Variants in RNPEPL1 observed in about 807,000 individuals in gnomAD.
RNPEPL1 encodes the protein arginyl aminopeptidase like 1, also known as aminopeptidase RNPEPL1.
A neutral mutation model predicts 69.0 loss-of-function variants in RNPEPL1; 46 were observed. The observed-to-expected ratio is 0.67, with a 90% CI of 0.53 to 0.85. The LOEUF (loss-of-function observed/expected upper bound fraction) is 0.85. Ranked by LOEUF, RNPEPL1 falls within the 40% of genes least tolerant of loss-of-function variation. RNPEPL1 has a pLI of 0.00. For synonymous variants in RNPEPL1, 525 were observed against 454.1 expected (o/e 1.16, Z -1.98); for missense variants, 869 against 992.5 (o/e 0.88, Z 1.67).
chr2:240,572,979 G>A, intron 2 of RNPEPL1, 131 bp from the exon 3 acceptor site: 1 of 1,123,392 alleles, frequency 8.9e-7, no homozygotes, highest in Non-Finnish European at 1.2e-6. Context: ...GAAGTTCTCT[G>A]ACAGAAACGT....
In RNPEPL1 at chr2:240,568,742, C is replaced by T. The variant is rs2093011702; in HGVS notation, c.156C>T (p.Pro52=). 9.4e-7 allele frequency: 1 copy of T among 1,061,596 alleles called. No individual in the cohort carries two copies. Among genetic ancestry groups the T allele is most frequent in the Non-Finnish European group, 1.1e-6 (1 of 877,948 alleles). 65.8% of individuals were successfully genotyped at this position (1,061,596 alleles called of 1,614,324 possible). ...TGCAGCTGGGCCTGGAGCTGCGGCCCGAGGCGCGCGAGTTGGCCGGCTGCC... is the reference window on the plus strand; with the variant it reads ...TGCAGCTGGGCCTGGAGCTGCGGCCTGAGGCGCGCGAGTTGGCCGGCTGCC... The part of the protein sequence containing the change: ...RHLQLGLELR[P]EARELAGCLV... The change falls in exon 1 of 11, where the codon CCC becomes CCT. Residue 52 remains proline, a synonymous_variant. Coordinates refer to ENST00000270357, the MANE Select transcript of RNPEPL1 (RefSeq NM_018226.6). The surrounding 1 kb of genome is among the most constrained non-coding windows in gnomAD (Gnocchi z 6.2).
intron 1 of RNPEPL1, among the ~76,000 whole-genome samples, chr2:240,571,543 G>T (rs1444129567): frequency 6.6e-6 from 1 of 152,036 alleles, no homozygotes; most frequent in Non-Finnish European, 1.5e-5. Context: ...TCACTGGAGA[G>T]GTCAGAATTC....
chr2:240,569,300 C>G, intron 1 of RNPEPL1, 186 bp downstream of exon 1: 1 of 606,940 alleles, frequency 1.6e-6, no homozygotes, highest in Non-Finnish European at 2.6e-6. Flanking sequence ...CGGAGTCCTG[C>G]GGGGACACGG....
In RNPEPL1 at chr2:240,573,256, G is replaced by A. The variant is rs569660095; in HGVS notation, c.816G>A (p.Gly272=). Reference sequence around the variant, plus strand: ...GAGACCTCAAGCCGGCAGACATCGGGCCCAGGTAGGGCCTCCTGCTGGGGC... The same window carrying A: ...GAGACCTCAAGCCGGCAGACATCGGACCCAGGTAGGGCCTCCTGCTGGGGC... ...VAGDLKPADI[G]PRSRVWAEPC... is the part of the protein sequence containing the mutation. The change falls in exon 3 of 11, where the codon GGG becomes GGA. Residue 272 remains glycine, a synonymous_variant. Transcript: ENST00000270357. 2.1e-5 allele frequency: 33 copies of A among 1,560,952 alleles called. No homozygotes were observed. Among genetic ancestry groups the A allele is most frequent in the African/African-American group, 1.2e-4 (9 of 73,836 alleles).
chr2:240,571,851 C>T lies in RNPEPL1; in HGVS notation c.529-572C>T, dbSNP rs3762626. ...GGGTCCTCTGGCCTGGCCTCCACTCCCTGCTTGCTGTCCCCTGGCTTGGAG... is the reference window on the plus strand; with the variant it reads ...GGGTCCTCTGGCCTGGCCTCCACTCTCTGCTTGCTGTCCCCTGGCTTGGAG... On this transcript the variant is annotated intron_variant, in intron 1 of 10. Transcript: ENST00000270357. 5.3e-5 allele frequency among the ~76,000 whole-genome samples: 8 copies of T among 152,184 alleles called. No individual in the cohort carries two copies. The East Asian group carries it at 1.6e-3, about 30-fold the overall frequency.
Position 240,578,284 on chromosome 2 carries a change from T to G in RNPEPL1, c.*392T>G. 5.8e-6 allele frequency: 1 copy of G among 171,650 alleles called. No homozygotes were observed. 10.6% of individuals were successfully genotyped at this position (171,650 alleles called of 1,614,324 possible). A position where few individuals can be genotyped will look rare whatever the true frequency, so the allele number is the denominator to read the frequency against. ...TGTCTGCCGGGGGCCCAGGCTGTGC[T>G]GTCCCTGCAGCACGCCTCCTTGCAG... is the stretch of plus-strand genomic sequence containing the variant. On this transcript the variant is annotated 3_prime_UTR_variant, in exon 11 of 11. Coordinates refer to ENST00000270357, the MANE Select transcript of RNPEPL1 (RefSeq NM_018226.6).
rs1031214603 is a variant in RNPEPL1 at position 240,575,587 on chromosome 2, A to C, written c.1487A>C (p.Glu496Ala). ...SFLSFFPELK[E>A]QSVDCRAGLE... ...CTGAGCTTCTTCCCGGAGCTGAAGG[A>C]GCAGAGCGTGGACTGCCGGGCAGGT... Residue 496 changes from glutamate to alanine, a missense_variant, in exon 8 of 11, where the codon GAG becomes GCG. This residue lies in a region of RNPEPL1 where 610 missense variants were observed against 790.9 expected (regional missense o/e 0.77). Transcript: ENST00000270357. 27 of 1,613,162 alleles carry C rather than the reference A, an allele frequency of 1.7e-5. No homozygotes were observed. Among genetic ancestry groups the C allele is most frequent in the Non-Finnish European group, 2.3e-5 (27 of 1,179,972 alleles).
intron 1 of RNPEPL1, among the ~76,000 whole-genome samples, chr2:240,571,437 G>A (rs2093021163): frequency 1.3e-5 from 2 of 152,348 alleles, no homozygotes; most frequent in East Asian, 1.9e-4. Context: ...CATTCCGGCA[G>A]AGGGGAGGGT....
Position 240,573,212 on chromosome 2 carries a change from C to T in RNPEPL1, c.772C>T (p.Leu258Phe), listed in dbSNP as rs759294739. Residue 258 changes from leucine (L) to phenylalanine (F), a missense_variant, in exon 3 of 11, where the codon CTC (leucine) becomes TTC (phenylalanine). Physicochemically the swap from Leu to Phe is conservative, Grantham distance 22. Around this residue, in one of 2 missense-constraint regions of RNPEPL1, gnomAD observed 610 missense variants for 790.9 expected, o/e 0.77. Transcript: ENST00000270357. ...CATGGAGCACCCCGTGCCCGCCTAC[C>T]TCGTGGCCCTGGTGGCCGGAGACCT... ...FHMEHPVPAYLVALVAGDLKP... is the reference protein window; with the variant it reads ...FHMEHPVPAYFVALVAGDLKP... The T allele has an allele frequency of 1.3e-6, 2 of 1,582,514 alleles. No individual in the cohort carries two copies. The highest frequency in any genetic ancestry group is 2.3e-5 in the East Asian group (1 of 43,476).
intron 2 of RNPEPL1, 74 bp downstream of exon 2, chr2:240,572,637 C>T: frequency 6.6e-7 from 1 of 1,505,850 alleles, no homozygotes; most frequent in South Asian, 1.2e-5. Context: ...CTCCCCCTTG[C>T]TCCTACCTGC....
chr2:240,579,905 C>T lies in RNPEPL1; in HGVS notation c.*2013C>T, dbSNP rs747704475. ...ACTCTGTGGTCTGCGGGTGACTCCACTCCACGTGCCTACAGCCACGCCCAC... is the reference window on the plus strand; with the variant it reads ...ACTCTGTGGTCTGCGGGTGACTCCATTCCACGTGCCTACAGCCACGCCCAC... On this transcript the variant is annotated 3_prime_UTR_variant, in exon 11 of 11. Transcript: ENST00000270357. 2 of 152,250 alleles carry T rather than the reference C, an allele frequency of 1.3e-5. No homozygotes were observed. The highest frequency in any genetic ancestry group is 4.8e-5 in the African/African-American group (2 of 41,458). 9.4% of individuals were successfully genotyped at this position (152,250 alleles called of 1,614,324 possible). A position where few individuals can be genotyped will look rare whatever the true frequency, so the allele number is the denominator to read the frequency against.
rs1440336756 is a variant in RNPEPL1 at position 240,568,758 on chromosome 2, G to A, written c.172G>A (p.Ala58Thr). 3 of 1,067,618 alleles carry A rather than the reference G, an allele frequency of 2.8e-6. No individual in the cohort carries two copies. The highest frequency in any genetic ancestry group is 2.3e-6 in the Non-Finnish European group (2 of 882,334). 66.1% of individuals were successfully genotyped at this position (1,067,618 alleles called of 1,614,324 possible). A position where few individuals can be genotyped will look rare whatever the true frequency, so the allele number is the denominator to read the frequency against. Residue 58 changes from alanine to threonine, a missense_variant, in exon 1 of 11, where the codon GCC becomes ACC. Around this residue, in one of 2 missense-constraint regions of RNPEPL1, gnomAD observed 259 missense variants for 201.5 expected, o/e 1.29. Coordinates refer to ENST00000270357, the MANE Select transcript of RNPEPL1 (RefSeq NM_018226.6). The surrounding 1 kb of genome is among the most constrained non-coding windows in gnomAD (Gnocchi z 6.2). The stretch of plus-strand genomic sequence containing the variant: ...GCTGCGGCCCGAGGCGCGCGAGTTG[G>A]CCGGCTGCCTGGTGCTCGAGCTGTG... ...LELRPEARELAGCLVLELCAL... is the reference protein window; with the variant it reads ...LELRPEARELTGCLVLELCAL...
Position 240,573,970 on chromosome 2 carries a change from G to A in RNPEPL1, c.938+79G>A, listed in dbSNP as rs185118292. 131 of 1,413,506 alleles carry A rather than the reference G, an allele frequency of 9.3e-5. No individual in the cohort carries two copies. In the African/African-American group the frequency reaches 1.7e-3, roughly 18 times the overall value. The allele number at this position is 1,413,506 out of a possible 1,614,324, so 87.6% of individuals were successfully genotyped here. On this transcript the variant is annotated intron_variant, in intron 4 of 10. Coordinates refer to ENST00000270357, the MANE Select transcript of RNPEPL1 (RefSeq NM_018226.6). Reference sequence around the variant, plus strand: ...GAGCCCCTCGTCTGACCCCTGGGGTGTCCTGTCCCCATCTCCTGGGGAGGA... The same window carrying A: ...GAGCCCCTCGTCTGACCCCTGGGGTATCCTGTCCCCATCTCCTGGGGAGGA...
At chr2:240,573,401 C>A in intron 3 of RNPEPL1, 140 bp downstream of exon 3, 1 of 1,123,032 alleles carries the variant, frequency 8.9e-7, no homozygotes, top group Non-Finnish European at 1.2e-6. Context: ...CCTGCCCCTG[C>A]CTTGGTGCCA....
intron 6 of RNPEPL1, 147 bp from the exon 7 acceptor site, chr2:240,574,879 TGCAC>T: frequency 1.4e-6 from 1 of 715,234 alleles, no homozygotes; most frequent in South Asian, 1.6e-5. Flanking sequence ...GCCCTGCCGC[TGCAC>T]GCCCAGGGCA....
In RNPEPL1 at chr2:240,569,036, C is replaced by T. The variant is rs1461551581; in HGVS notation, c.450C>T (p.Thr150=). The change falls in exon 1 of 11, where the codon ACC becomes ACT. Residue 150 remains threonine, a synonymous_variant. Transcript: ENST00000270357. ...TCACCGACTACGGCTCCTCGCTCACCGTCACGCTGCCGCCCGAGCTGCAGG... is the reference window on the plus strand; with the variant it reads ...TCACCGACTACGGCTCCTCGCTCACTGTCACGCTGCCGCCCGAGCTGCAGG... The part of the protein sequence containing the change: ...DPFTDYGSSL[T]VTLPPELQAH... 3 of 1,511,560 alleles carry T rather than the reference C, an allele frequency of 2.0e-6. No individual in the cohort carries two copies. The highest frequency in any genetic ancestry group is 2.9e-5 in the African/African-American group (2 of 69,414). The allele number at this position is 1,511,560 out of a possible 1,614,324, so 93.6% of individuals were successfully genotyped here.
At position 240,577,830 on chromosome 2, in the gene RNPEPL1, C is replaced by T. The variant is rs1365435316; in HGVS notation, c.2116C>T (p.Leu706=). The change falls in exon 11 of 11, where the codon CTG becomes TTG. Residue 706 remains leucine (L), a synonymous_variant. Coordinates refer to ENST00000270357, the MANE Select transcript of RNPEPL1 (RefSeq NM_018226.6). The part of the protein sequence containing the change: ...ADTDSDAQAL[L]LGDEAPSSAI... The stretch of plus-strand genomic sequence containing the variant: ...CACAGACTCGGACGCACAGGCCCTG[C>T]TGCTTGGGGACGAGGCCCCCAGCAG... 3 of 1,597,416 alleles carry T rather than the reference C, an allele frequency of 1.9e-6. No individual in the cohort carries two copies. The East Asian group carries it at 6.7e-5, about 36-fold the overall frequency.
In RNPEPL1 at chr2:240,570,071, G is replaced by A. The variant is rs1314541145; in HGVS notation, c.528+957G>A. Among the ~76,000 whole-genome samples the A allele has an allele frequency of 4.6e-5, 7 of 152,208 alleles. No homozygotes were observed. In the East Asian group the frequency reaches 1.3e-3, roughly 29 times the overall value. ...TGGGTGTGCAGGCCGCTGGCTAGCC[G>A]GCCCCGCCCCTGCTGTGGTATTCCA... On this transcript the variant is annotated intron_variant, in intron 1 of 10. Coordinates refer to ENST00000270357, the MANE Select transcript of RNPEPL1 (RefSeq NM_018226.6).
At chr2:240,577,151 G>A (rs979603963) in intron 10 of RNPEPL1, among the ~76,000 whole-genome samples, 161 bp downstream of exon 10, 3 of 152,192 alleles carry the variant, frequency 2.0e-5, no homozygotes, top group African/African-American at 7.2e-5. Flanking sequence ...GGCATGCACC[G>A]GGTGCAGGTA....
Sources: gnomAD v4.1 joint callset for allele counts (sites outside exome capture counted in the v4.1 genomes callset) on GRCh38, gnomAD v4.1.1 for gene constraint, gnomAD v4.1.1 regional missense constraint, Gnocchi (gnomAD v3.1) non-coding constraint, MANE v1.5 for transcripts, NCBI Gene and HGNC (gene_info 2026-07-23, HGNC 2026-07-21) for gene names.